Variants in ACOT1 observed in about 807,000 individuals in gnomAD.
ACOT1 encodes acyl-CoA thioesterase 1, also known as acyl-coenzyme A thioesterase 1.
In ACOT1, 8 loss-of-function variants were observed where a neutral mutation model predicts 15.7. That is an observed-to-expected ratio of 0.51 (90% CI 0.30 to 0.92). The LOEUF is 0.92. Among genes scored for constraint, ACOT1 ranks in the 40% least tolerant of loss-of-function variants. The pLI, the probability that ACOT1 is intolerant of heterozygous loss-of-function variation, is 0.06. For missense variants in ACOT1, 151 were observed against 539.4 expected (o/e 0.28, Z 7.13); for synonymous variants, 67 against 241.2 (o/e 0.28, Z 6.69).
At chr14:73,523,340 C>A in the ACOT1 span, 1 of 572,914 alleles carries the variant, frequency 1.7e-6, no homozygotes, top group Non-Finnish European at 3.0e-6. Flanking sequence ...TGGGGAAGAG[C>A]CATGTGAGTT....
At chr14:73,508,268 C>A in the ACOT1 span, 1 of 1,613,982 alleles carries the variant, frequency 6.2e-7, no homozygotes, top group Non-Finnish European at 8.5e-7. Flanking sequence ...AAGCACTGAG[C>A]TGCAGCCCAG....
the ACOT1 span, chr14:73,502,993 G>T: frequency 1.2e-6 from 2 of 1,613,586 alleles, no homozygotes. Context: ...ACATCAGCTG[G>T]ATCAACTTAT....
the ACOT1 span, chr14:73,519,261 C>G: frequency 1.0e-5 from 13 of 1,293,842 alleles, no homozygotes; most frequent in African/African-American, 1.8e-4. Flanking sequence ...CTTCCTTTTG[C>G]CCTAATCTAA....
chr14:73,507,773 TGCTCTGTCACCTAG>T, the ACOT1 span, among the ~76,000 whole-genome samples: 10 of 152,108 alleles, frequency 6.6e-5, no homozygotes, highest in African/African-American at 2.4e-4. Context: ...GACAGAGTCT[TGCTCTGTCACCTAG>T]GCTGGAGTGT....
chr14:73,502,235 C>T, the ACOT1 span, among the ~76,000 whole-genome samples: 1 of 151,992 alleles, frequency 6.6e-6, no homozygotes, highest in Non-Finnish European at 1.5e-5. Context: ...CTTGGCCTTA[C>T]TCCTCTAGCC....
At chr14:73,517,914 C>T in the ACOT1 span, among the ~76,000 whole-genome samples, 13 of 151,880 alleles carry the variant, frequency 8.6e-5, no homozygotes, top group Admixed American at 2.0e-4. Context: ...TGGTGAACCC[C>T]GTCTCTACTA....
chr14:73,525,647 G>C, the ACOT1 span, among the ~76,000 whole-genome samples: 14 of 152,082 alleles, frequency 9.2e-5, no homozygotes, highest in African/African-American at 3.4e-4. Context: ...CTGAACAACT[G>C]TCCCCACAAG....
chr14:73,510,369 A>G, the ACOT1 span, among the ~76,000 whole-genome samples: 1 of 152,116 alleles, frequency 6.6e-6, no homozygotes, highest in Non-Finnish European at 1.5e-5. Flanking sequence ...AATATGGGAC[A>G]GGAGCATAGT....
the ACOT1 span, among the ~76,000 whole-genome samples, chr14:73,513,122 TC>T: frequency 1.3e-5 from 2 of 152,212 alleles, no homozygotes; most frequent in African/African-American, 2.4e-5. Context: ...ATTTTGTTCT[TC>T]CCTTCATACA....
the ACOT1 span, among the ~76,000 whole-genome samples, chr14:73,528,392 CAAAAAAA>C: frequency 1.6e-4 from 14 of 88,496 alleles, no homozygotes; most frequent in South Asian, 5.2e-4. Flanking sequence ...AACTTCATCT[CAAAAAAA>C]AAAAAAAAAA....
the ACOT1 span, chr14:73,517,621 A>G: frequency 7.3e-6 from 1 of 137,240 alleles, no homozygotes; most frequent in African/African-American, 2.7e-5. Flanking sequence ...GTGAGCCATG[A>G]TTGTACCACT....
chr14:73,491,578 C>G, the ACOT1 span: 3,275 of 1,543,396 alleles, frequency 2.1e-3, 7 homozygotes, highest in South Asian at 4.1e-3. Flanking sequence ...CGCTGCGGCG[C>G]GTCTTGGCCG....
chr14:73,500,279 CT>C, the ACOT1 span, among the ~76,000 whole-genome samples: 9,125 of 139,770 alleles, frequency 0.065, 744 homozygotes, highest in African/African-American at 0.19. Context: ...ATGCACGGAC[CT>C]TTTTTTTTTT....
the ACOT1 span, chr14:73,500,826 G>A: frequency 1.7e-6 from 2 of 1,155,978 alleles, no homozygotes; most frequent in African/African-American, 3.1e-5. Context: ...TCCGGGTTCT[G>A]TAGGCTGTCA....
chr14:73,504,867 A>G, the ACOT1 span, among the ~76,000 whole-genome samples: 2 of 152,206 alleles, frequency 1.3e-5, no homozygotes, highest in African/African-American at 4.8e-5. Context: ...AATAATGGCA[A>G]AAACGAAGTG....
chr14:73,496,324 A>G, the ACOT1 span, among the ~76,000 whole-genome samples: 1 of 152,166 alleles, frequency 6.6e-6, no homozygotes, highest in Non-Finnish European at 1.5e-5. Context: ...TGGGGAGAAA[A>G]TAGGAAGGGA....
the ACOT1 span, chr14:73,493,036 CT>C: frequency 6.3e-7 from 1 of 1,578,952 alleles, no homozygotes; most frequent in Admixed American, 1.8e-5. Context: ...ACGTTCTTAC[CT>C]TGATAAGCAT....
chr14:73,514,807 G>C, the ACOT1 span, among the ~76,000 whole-genome samples: 3 of 152,258 alleles, frequency 2.0e-5, no homozygotes, highest in African/African-American at 7.2e-5. Flanking sequence ...GGTGGCTTTT[G>C]CCTGTAATCC....
At chr14:73,514,048 TTCCATTCCTTCAGCA>T in the ACOT1 span, 1 of 1,614,170 alleles carries the variant, frequency 6.2e-7, no homozygotes, top group Non-Finnish European at 8.5e-7. Flanking sequence ...CCAGGCAGTC[TTCCATTCCTTCAGCA>T]TCCTCCGCAG....
Sources: gnomAD v4.1 joint callset for allele counts (sites outside exome capture counted in the v4.1 genomes callset) on GRCh38, gnomAD v4.1.1 for gene constraint, MANE v1.5 for transcripts, NCBI Gene and HGNC (gene_info 2026-07-23, HGNC 2026-07-21) for gene names.